ITPK1: variants seen among roughly 807,000 people sequenced by gnomAD.
ITPK1 encodes the protein inositol-tetrakisphosphate 1-kinase, also known as inositol 1,3,4-trisphosphate 5/6-kinase.
In ITPK1, 21 loss-of-function variants were observed where a neutral mutation model predicts 45.3. The ratio of observed to expected loss-of-function variants is 0.46; its 90% CI spans 0.33 to 0.67. The LOEUF (loss-of-function observed/expected upper bound fraction) is 0.67, where lower values mean the gene tolerates loss of function less well. Ranked by LOEUF, ITPK1 falls within the 30% of genes least tolerant of loss-of-function variation. ITPK1 has a pLI of 0.02. For missense variants in ITPK1, 474 were observed against 573.5 expected (o/e 0.83, Z 1.77); for synonymous variants, 258 against 253.6 (o/e 1.02, Z -0.16).
In ITPK1 at chr14:92,941,165, T is replaced by C. The variant is rs1887366749; in HGVS notation, c.*396A>G. ...CCGATCAGCCTCCCACAGCCCGACA[T>C]GGGCAGGCTTCCCCCAAGGGTCCCG... On this transcript the variant is annotated 3_prime_UTR_variant, in exon 11 of 11. Transcript: ENST00000267615. 2 of 1,217,524 alleles carry C rather than the reference T, an allele frequency of 1.6e-6. 1 individual carries two copies. Among genetic ancestry groups the C allele is most frequent in the South Asian group, 3.2e-5 (2 of 61,754 alleles). 75.4% of individuals were successfully genotyped at this position (1,217,524 alleles called of 1,614,324 possible).
chr14:92,942,678 C>G (rs888411994), intron 10 of ITPK1, among the ~76,000 whole-genome samples: 1 of 152,180 alleles, frequency 6.6e-6, no homozygotes. Context: ...GGGAACAGAA[C>G]AGAAACCATG....
In ITPK1 at chr14:93,041,556, C is replaced by A. The variant is rs183707905; in HGVS notation, c.121-24755G>T. Among the ~76,000 whole-genome samples the A allele has an allele frequency of 1.8e-4, 28 of 152,368 alleles. No homozygotes were observed. In the East Asian group the frequency reaches 4.4e-3, roughly 24 times the overall value. On this transcript the variant is annotated intron_variant, in intron 3 of 10. Transcript: ENST00000267615. Reference sequence around the variant, plus strand: ...AGAAACCGGGCCTCTGCCAGGGAGGCTGTTCACCCAGAGAAGCACAGTGAA... The same window carrying A: ...AGAAACCGGGCCTCTGCCAGGGAGGATGTTCACCCAGAGAAGCACAGTGAA...
At chr14:93,064,003 G>GC (rs1391893886) in intron 3 of ITPK1, among the ~76,000 whole-genome samples, 2 of 152,146 alleles carry the variant, frequency 1.3e-5, no homozygotes, top group Non-Finnish European at 2.9e-5. Flanking sequence ...AAAAAAATTG[G>GC]CCGGGCATGG....
intron 10 of ITPK1, 64 bp from the exon 11 acceptor site, chr14:92,941,968 G>C: frequency 7.0e-7 from 1 of 1,435,364 alleles, no homozygotes. Context: ...GCAGGGAGGA[G>C]GAGGAGGAGG....
chr14:92,994,364 G>T (rs974843010), intron 4 of ITPK1, among the ~76,000 whole-genome samples: 9 of 152,172 alleles, frequency 5.9e-5, no homozygotes, highest in Non-Finnish European at 1.0e-4. Flanking sequence ...AGGCAGGGGC[G>T]GGAGAGTGGG....
intron 2 of ITPK1, among the ~76,000 whole-genome samples, chr14:93,105,772 C>G (rs532023483): frequency 6.7e-6 from 1 of 149,852 alleles, no homozygotes; most frequent in South Asian, 2.1e-4. Context: ...GGCGCGATCT[C>G]GGCTCACTGC....
chr14:93,028,206 C>CA (rs1371256268), intron 3 of ITPK1, among the ~76,000 whole-genome samples: 2 of 152,224 alleles, frequency 1.3e-5, no homozygotes, highest in African/African-American at 4.8e-5. Context: ...GAACAGCGTG[C>CA]CTTCCCTAGA....
At chr14:92,973,895 A>G (rs558592712) in intron 5 of ITPK1, among the ~76,000 whole-genome samples, 6 of 152,296 alleles carry the variant, frequency 3.9e-5, no homozygotes, top group Admixed American at 3.9e-4. Flanking sequence ...ACCACAGCAC[A>G]AGGTCCTGTC....
In ITPK1 at chr14:92,957,214, C is replaced by T. The variant is rs1277268292; in HGVS notation, c.670+987G>A. ...TTTGCTCAGCTGGAGGTAAAACAGC[C>T]GGCGTCTGAACGCTTCTGATGATGT... On this transcript the variant is annotated intron_variant, in intron 8 of 10. Transcript: ENST00000267615. 6.6e-5 allele frequency among the ~76,000 whole-genome samples: 10 copies of T among 152,282 alleles called. No individual in the cohort carries two copies. The East Asian group carries it at 1.9e-3, about 29-fold the overall frequency.
intron 9 of ITPK1, among the ~76,000 whole-genome samples, chr14:92,947,475 G>C (rs1172757023): frequency 6.6e-6 from 1 of 152,244 alleles, no homozygotes; most frequent in Non-Finnish European, 1.5e-5. Flanking sequence ...AAGGATTCTG[G>C]AGTCAGAGAG....
rs190258067 is a variant in ITPK1 at position 93,014,876 on chromosome 14, G to A, written c.246+1800C>T. Among the ~76,000 whole-genome samples, 1 of 152,356 alleles carries A rather than the reference G, an allele frequency of 6.6e-6. No homozygotes were observed. The highest frequency in any genetic ancestry group is 2.4e-5 in the African/African-American group (1 of 41,586). Reference sequence around the variant, plus strand: ...CTCTGCAGTGCTTTCTGAGGTAACGGTAATCAGGCATCTGGAAGGCCATCG... The same window carrying A: ...CTCTGCAGTGCTTTCTGAGGTAACGATAATCAGGCATCTGGAAGGCCATCG... On this transcript the variant is annotated intron_variant, in intron 4 of 10. Coordinates refer to ENST00000267615, the MANE Select transcript of ITPK1 (RefSeq NM_014216.6). This position sits in a 1 kb window ranked among gnomAD's most constrained non-coding sequence, Gnocchi z 4.4.
At position 92,941,863 on chromosome 14, in the gene ITPK1, G is replaced by T; in HGVS notation, c.943C>A (p.His315Asn). The change falls in exon 11 of 11, where the codon CAC becomes AAC. Residue 315 changes from histidine (H) to asparagine (N), a missense_variant. Coordinates refer to ENST00000267615, the MANE Select transcript of ITPK1 (RefSeq NM_014216.6). ...VSEFFTDLLN[H>N]IATVLQGQST... ...TGGCCCTGCAGGACAGTGGCGATGT[G>T]GTTCAGGAGGTCTGTGAAGAACTCG... 1 of 1,612,686 alleles carries T rather than the reference G, an allele frequency of 6.2e-7. No homozygotes were observed. Among genetic ancestry groups the T allele is most frequent in the Non-Finnish European group, 8.5e-7 (1 of 1,179,952 alleles).
chr14:93,091,094 G>A (rs1891848263), intron 2 of ITPK1, among the ~76,000 whole-genome samples: 2 of 152,334 alleles, frequency 1.3e-5, no homozygotes, highest in African/African-American at 4.8e-5. Context: ...GAGGAAGGCA[G>A]ATGGCCTCTC....
chr14:93,031,092 A>G (rs1889029391), intron 3 of ITPK1, among the ~76,000 whole-genome samples: 1 of 152,126 alleles, frequency 6.6e-6, no homozygotes, highest in Non-Finnish European at 1.5e-5. Flanking sequence ...CATTTCTGCT[A>G]TTTAAGCTGC....
intron 3 of ITPK1, among the ~76,000 whole-genome samples, chr14:93,060,819 C>T (rs1890485897): frequency 6.6e-6 from 1 of 152,160 alleles, no homozygotes; most frequent in Non-Finnish European, 1.5e-5. Context: ...AAGCAGGTGA[C>T]AGATCTGAGC....
At chr14:93,053,058 C>T (rs994516530) in intron 3 of ITPK1, among the ~76,000 whole-genome samples, 1 of 152,044 alleles carries the variant, frequency 6.6e-6, no homozygotes, top group African/African-American at 2.4e-5. Flanking sequence ...AGCACACCAA[C>T]ATGGCACATG....
At chr14:92,987,481 G>C (rs1886549123) in intron 5 of ITPK1, among the ~76,000 whole-genome samples, 1 of 152,176 alleles carries the variant, frequency 6.6e-6, no homozygotes, top group Admixed American at 6.5e-5. Context: ...TGAATGTCTG[G>C]ATGGCTGCAC....
chr14:93,057,709 G>A (rs1890265937), intron 3 of ITPK1, among the ~76,000 whole-genome samples: 1 of 152,208 alleles, frequency 6.6e-6, no homozygotes. Context: ...GGCAGAACCA[G>A]CAGGGACCCC....
chr14:93,004,972 G>A (rs12587643), intron 4 of ITPK1, among the ~76,000 whole-genome samples: 31,611 of 151,956 alleles, frequency 0.21, 3,985 homozygotes, highest in East Asian at 0.31. Context: ...TGGGGCGGAC[G>A]GCAGTCTCAA....
Sources: gnomAD v4.1 joint callset for allele counts (sites outside exome capture counted in the v4.1 genomes callset) on GRCh38, gnomAD v4.1.1 for gene constraint, Gnocchi (gnomAD v3.1) non-coding constraint, MANE v1.5 for transcripts, NCBI Gene and HGNC (gene_info 2026-07-23, HGNC 2026-07-21) for gene names.